The following NAV2 variants were observed in gnomAD, a reference collection of about 807,000 sequenced individuals.
NAV2 encodes neuron navigator 2.
NAV2 carries 54 observed loss-of-function variants against 223.2 expected under a neutral mutation model. The ratio of observed to expected loss-of-function variants is 0.24; its 90% CI spans 0.19 to 0.30. The LOEUF (loss-of-function observed/expected upper bound fraction) is 0.30. Ranked by LOEUF, NAV2 falls within the 10% of genes least tolerant of loss-of-function variation. The pLI, the probability that NAV2 is intolerant of heterozygous loss-of-function variation, is 1.00. For missense variants in NAV2, 2,806 were observed against 3,147.5 expected (o/e 0.89, Z 2.60); for synonymous variants, 1,279 against 1,239.3 (o/e 1.03, Z -0.67).
intron 7 of NAV2, among the ~76,000 whole-genome samples, chr11:19,935,849 C>CTGTTTTT (rs2045804884): frequency 2.9e-5 from 2 of 69,438 alleles, no homozygotes; most frequent in African/African-American, 4.3e-5. Flanking sequence ...TGTTTTGTTT[C>CTGTTTTT]TGTTTTTTTT....
intron 1 of NAV2, among the ~76,000 whole-genome samples, chr11:19,569,536 C>T (rs2045362313): frequency 6.6e-6 from 1 of 152,204 alleles, no homozygotes; most frequent in Non-Finnish European, 1.5e-5. Context: ...TCTGTCCCAT[C>T]CTGCCTTCTG....
intron 10 of NAV2, among the ~76,000 whole-genome samples, chr11:19,954,056 T>C (rs2047624167): frequency 6.6e-6 from 1 of 152,226 alleles, no homozygotes; most frequent in Non-Finnish European, 1.5e-5. Context: ...TGAAGCTCAA[T>C]GGTTCTATTT....
At chr11:19,660,220 G>A (rs2048239494) in intron 1 of NAV2, among the ~76,000 whole-genome samples, 1 of 152,162 alleles carries the variant, frequency 6.6e-6, no homozygotes, top group African/African-American at 2.4e-5. Flanking sequence ...TGGACCAAAG[G>A]AAACAGGCTT....
At chr11:19,385,310 TGTTTA>T (rs1314144916) in intron 1 of NAV2, among the ~76,000 whole-genome samples, 2 of 27,066 alleles carry the variant, frequency 7.4e-5, no homozygotes, top group Non-Finnish European at 3.6e-4. Flanking sequence ...TGGATAAATA[TGTTTA>T]TTCATTCATG....
chr11:19,715,401 G>A (rs2050218862), intron 1 of NAV2, among the ~76,000 whole-genome samples: 2 of 152,140 alleles, frequency 1.3e-5, no homozygotes, highest in South Asian at 2.1e-4. Flanking sequence ...TGCCATGGGG[G>A]TGAGCACCAG....
chr11:19,360,154 C>T (rs780976374), intron 1 of NAV2, among the ~76,000 whole-genome samples: 100 of 152,216 alleles, frequency 6.6e-4, no homozygotes, highest in Non-Finnish European at 1.2e-3. Flanking sequence ...GCCTTGGCCC[C>T]CATCCTGTCT....
intron 1 of NAV2, among the ~76,000 whole-genome samples, chr11:19,751,200 C>T (rs1385208777): frequency 1.3e-5 from 2 of 152,182 alleles, no homozygotes; most frequent in East Asian, 1.9e-4. Context: ...ATTAGCTAAG[C>T]AGCTTACCCA....
intron 1 of NAV2, among the ~76,000 whole-genome samples, chr11:19,567,009 T>C (rs116726288): frequency 0.02 from 3,062 of 152,330 alleles, 105 homozygotes; most frequent in South Asian, 0.083. Flanking sequence ...GATACCTTTC[T>C]GGAACGAGAA....
intron 3 of NAV2, among the ~76,000 whole-genome samples, chr11:19,845,319 G>C (rs779723589): frequency 6.6e-6 from 1 of 152,126 alleles, no homozygotes; most frequent in Non-Finnish European, 1.5e-5. Flanking sequence ...TTTGTTGTTC[G>C]CTAAATATTG....
chr11:20,078,999 G>C (rs10766624), intron 24 of NAV2, among the ~76,000 whole-genome samples: 134,314 of 152,262 alleles, frequency 0.88, 59,340 homozygotes, highest in East Asian at 0.96. Flanking sequence ...GTTCTTTCCT[G>C]CTTGTACTGA....
chr11:19,411,195 A>G (rs774189871), intron 1 of NAV2, among the ~76,000 whole-genome samples: 1 of 152,172 alleles, frequency 6.6e-6, no homozygotes, highest in Non-Finnish European at 1.5e-5. Context: ...GTCCCAGGTG[A>G]TGCTGCTGCT....
At chr11:20,055,414 G>T (rs1244711831) in intron 18 of NAV2, among the ~76,000 whole-genome samples, 1 of 152,130 alleles carries the variant, frequency 6.6e-6, no homozygotes, top group Non-Finnish European at 1.5e-5. Flanking sequence ...CTTCCCATCT[G>T]ATCAAAAGCC....
chr11:19,969,639 C>G (rs1342606583), intron 10 of NAV2, among the ~76,000 whole-genome samples: 1 of 151,984 alleles, frequency 6.6e-6, no homozygotes, highest in Non-Finnish European at 1.5e-5. Flanking sequence ...AAATTAGACA[C>G]AGTAAGAAAT....
At chr11:19,980,855 A>G (rs12804468) in intron 10 of NAV2, among the ~76,000 whole-genome samples, 29,084 of 152,124 alleles carry the variant, frequency 0.19, 4,116 homozygotes, top group African/African-American at 0.4. Flanking sequence ...TTTTAAATTA[A>G]TTTCTTGAGT....
intron 1 of NAV2, among the ~76,000 whole-genome samples, chr11:19,485,305 A>C (rs1276679045): frequency 6.6e-6 from 1 of 152,158 alleles, no homozygotes; most frequent in African/African-American, 2.4e-5. Flanking sequence ...TCTAGCCCTG[A>C]CTTTTCATTC....
intron 1 of NAV2, among the ~76,000 whole-genome samples, chr11:19,675,166 T>C (rs1403387516): frequency 2.0e-5 from 3 of 152,162 alleles, no homozygotes; most frequent in African/African-American, 7.2e-5. Flanking sequence ...CCAACCTTTA[T>C]TTCCATTCCA....
intron 1 of NAV2, among the ~76,000 whole-genome samples, chr11:19,645,477 T>A (rs1002184178): frequency 6.6e-6 from 1 of 152,168 alleles, no homozygotes; most frequent in African/African-American, 2.4e-5. Context: ...GGGGCCATAA[T>A]TCCACCTACC....
chr11:19,795,186 A>G (rs2057798600), intron 1 of NAV2, among the ~76,000 whole-genome samples: 1 of 152,202 alleles, frequency 6.6e-6, no homozygotes, highest in Non-Finnish European at 1.5e-5. Flanking sequence ...GAGAAATGGG[A>G]CAGAAGTTAT....
chr11:19,511,445 G>A (rs1020120197), intron 1 of NAV2: 89 of 152,338 alleles, frequency 5.8e-4, no homozygotes, highest in Middle Eastern at 3.4e-3. Flanking sequence ...GACTGCTAAT[G>A]AATACAGAGT....
Sources: allele counts gnomAD v4.1 joint callset (sites outside exome capture counted in the v4.1 genomes callset), GRCh38; gene constraint gnomAD v4.1.1; transcripts MANE v1.5; gene names NCBI Gene and HGNC (gene_info 2026-07-23, HGNC 2026-07-21).